Variants in MIPOL1 observed in about 807,000 individuals in gnomAD.
The protein encoded by MIPOL1 is mirror-image polydactyly 1, also known as mirror-image polydactyly gene 1 protein.
A neutral mutation model predicts 60.9 loss-of-function variants in MIPOL1; 57 were observed. The observed-to-expected ratio is 0.94, with a 90% CI of 0.76 to 1.17. The LOEUF (loss-of-function observed/expected upper bound fraction) is 1.17, where lower values mean the gene tolerates loss of function less well. Ranked by LOEUF, MIPOL1 falls within the 50% of genes most tolerant of loss-of-function variation. MIPOL1 has a pLI of 0.00. For synonymous variants in MIPOL1, 179 were observed against 168.8 expected (o/e 1.06, Z -0.47); for missense variants, 551 against 511.6 (o/e 1.08, Z -0.74).
intron 6 of MIPOL1, among the ~76,000 whole-genome samples, chr14:37,283,170 A>T (rs1461735381): frequency 6.6e-6 from 1 of 152,046 alleles, no homozygotes; most frequent in African/African-American, 2.4e-5. Context: ...GGTTCAAGCG[A>T]TTCTCCTGCC....
intron 10 of MIPOL1, among the ~76,000 whole-genome samples, chr14:37,398,431 T>C (rs779984476): frequency 1.6e-4 from 25 of 152,134 alleles, no homozygotes; most frequent in Non-Finnish European, 1.0e-4. Context: ...AAATTCGCAA[T>C]GTGAGCCTCT....
At chr14:37,545,778 A>G (rs2095545122) in intron 12 of MIPOL1, 5 of 555,652 alleles carry the variant, frequency 9.0e-6, no homozygotes, top group Admixed American at 6.9e-5. Context: ...CCAGCTTTGT[A>G]TGACACTAAG....
At chr14:37,359,780 C>T (rs547307555) in intron 9 of MIPOL1, among the ~76,000 whole-genome samples, 10 of 152,342 alleles carry the variant, frequency 6.6e-5, no homozygotes, top group South Asian at 2.1e-4. Flanking sequence ...CAAACTTTGA[C>T]TTCCACTTTT....
At chr14:37,226,935 A>G (rs1333213161) in intron 1 of MIPOL1, among the ~76,000 whole-genome samples, 2 of 152,204 alleles carry the variant, frequency 1.3e-5, no homozygotes, top group Non-Finnish European at 2.9e-5. Context: ...TTAAGAATTC[A>G]GTGTCCAGTT....
chr14:37,395,889 T>C (rs766822198), intron 10 of MIPOL1, among the ~76,000 whole-genome samples: 25 of 152,140 alleles, frequency 1.6e-4, no homozygotes, highest in Admixed American at 3.9e-4. Context: ...ACCCCTTTCC[T>C]TTATGTGAGT....
chr14:37,286,453 T>C (rs1179290430), intron 7 of MIPOL1, among the ~76,000 whole-genome samples: 1 of 152,222 alleles, frequency 6.6e-6, no homozygotes, highest in Non-Finnish European at 1.5e-5. Context: ...CTAAGGAATA[T>C]GCTTTGGGTA....
chr14:37,394,227 C>T (rs995620372), intron 10 of MIPOL1, among the ~76,000 whole-genome samples: 11 of 151,016 alleles, frequency 7.3e-5, no homozygotes, highest in South Asian at 2.1e-4. Flanking sequence ...TATGAACATG[C>T]GTATACAAGT....
intron 6 of MIPOL1, chr14:37,276,535 G>A (rs2083673679): frequency 6.6e-6 from 1 of 151,060 alleles, no homozygotes; most frequent in Admixed American, 6.6e-5. Context: ...TTATTCTCTT[G>A]TAAAAAGATT....
chr14:37,274,682 A>C (rs2083519965), intron 6 of MIPOL1, among the ~76,000 whole-genome samples: 1 of 151,356 alleles, frequency 6.6e-6, no homozygotes, highest in African/African-American at 2.4e-5. Context: ...AATCTTTTTG[A>C]CACTTATCAT....
At chr14:37,253,549 A>C (rs1023082290) in intron 3 of MIPOL1, among the ~76,000 whole-genome samples, 2 of 151,810 alleles carry the variant, frequency 1.3e-5, no homozygotes, top group African/African-American at 4.8e-5. Flanking sequence ...ATTAAAACAA[A>C]GGTGGTTGAC....
At chr14:37,355,073 C>A (rs1487639783) in intron 9 of MIPOL1, among the ~76,000 whole-genome samples, 8 of 148,388 alleles carry the variant, frequency 5.4e-5, no homozygotes. Flanking sequence ...TTTAGCACTT[C>A]CTTCAGGAGC....
chr14:37,398,221 C>G (rs2093414830), intron 10 of MIPOL1, among the ~76,000 whole-genome samples: 1 of 152,140 alleles, frequency 6.6e-6, no homozygotes, highest in Non-Finnish European at 1.5e-5. Flanking sequence ...GGAAACTTCT[C>G]CCACAAAGTA....
intron 3 of MIPOL1, among the ~76,000 whole-genome samples, 180 bp from the exon 4 acceptor site, chr14:37,266,758 G>A (rs769831343): frequency 6.6e-6 from 1 of 152,106 alleles, no homozygotes; most frequent in African/African-American, 2.4e-5. Flanking sequence ...GCCTATTTGA[G>A]ACCAAATTTA....
At chr14:37,303,451 A>G (rs2086499538) in intron 7 of MIPOL1, among the ~76,000 whole-genome samples, 1 of 151,884 alleles carries the variant, frequency 6.6e-6, no homozygotes, top group African/African-American at 2.4e-5. Flanking sequence ...CTGATCTTTT[A>G]TTTGGTTTAT....
chr14:37,522,530 G>A (rs1180212924), intron 12 of MIPOL1, among the ~76,000 whole-genome samples: 2 of 152,076 alleles, frequency 1.3e-5, no homozygotes, highest in Non-Finnish European at 2.9e-5. Flanking sequence ...ACTATTGTAT[G>A]ATACTAGCCT....
intron 11 of MIPOL1, among the ~76,000 whole-genome samples, chr14:37,446,283 CAAAA>C (rs1165413324): frequency 2.0e-5 from 3 of 152,132 alleles, no homozygotes; most frequent in Non-Finnish European, 4.4e-5. Context: ...AGACACTTCT[CAAAA>C]GAAGACATTT....
At chr14:37,304,499 G>A (rs767959251) in intron 7 of MIPOL1, among the ~76,000 whole-genome samples, 5 of 151,646 alleles carry the variant, frequency 3.3e-5, no homozygotes, top group Non-Finnish European at 7.4e-5. Flanking sequence ...TTTTTAACAT[G>A]TTAAGTGTGG....
At chr14:37,520,937 T>C (rs2095409011) in intron 12 of MIPOL1, among the ~76,000 whole-genome samples, 1 of 141,210 alleles carries the variant, frequency 7.1e-6, no homozygotes, top group African/African-American at 2.6e-5. Context: ...TTTTTTTTTT[T>C]TTTTTTTTTT....
intron 12 of MIPOL1, among the ~76,000 whole-genome samples, chr14:37,512,749 T>C (rs2095338822): frequency 6.6e-6 from 1 of 152,138 alleles, no homozygotes; most frequent in Admixed American, 6.6e-5. Context: ...ATATAAGTAC[T>C]TGTTGATTGA....
Sources: allele counts gnomAD v4.1 joint callset (sites outside exome capture counted in the v4.1 genomes callset), GRCh38; gene constraint gnomAD v4.1.1; transcripts MANE v1.5; gene names NCBI Gene and HGNC (gene_info 2026-07-23, HGNC 2026-07-21).